The following NOS1 variants were observed in gnomAD, a reference collection of about 807,000 sequenced individuals.
The protein encoded by NOS1 is nitric oxide synthase 1, also known as NOS type I.
In NOS1, 51 loss-of-function variants were observed where a neutral mutation model predicts 164.5. The ratio of observed to expected loss-of-function variants is 0.31; its 90% CI spans 0.25 to 0.39. NOS1 has a LOEUF of 0.39. Ranked by LOEUF, NOS1 falls within the 10% of genes least tolerant of loss-of-function variation. The pLI is 1.00. For missense variants in NOS1, 1,362 were observed against 1,885.6 expected, an observed-to-expected ratio of 0.72 and a Z score of 5.14; for synonymous variants, 719 against 745.8, an observed-to-expected ratio of 0.96 and a Z score of 0.59.
chr12:117,221,314 C>G (rs996511178), intron 26 of NOS1, among the ~76,000 whole-genome samples: 1 of 150,738 alleles, frequency 6.6e-6, no homozygotes, highest in Non-Finnish European at 1.5e-5. Context: ...ATCACCACAC[C>G]TGGCTTTTTT....
At position 117,223,410 on chromosome 12, in the gene NOS1, T is replaced by C. The variant is rs540114096; in HGVS notation, c.3827-547A>G. Among the ~76,000 whole-genome samples, 14 of 151,476 alleles carry C rather than the reference T, an allele frequency of 9.2e-5. No individual in the cohort carries two copies. In the East Asian group the frequency reaches 2.5e-3, roughly 28 times the overall value. On this transcript the variant is annotated intron_variant, in intron 25 of 28. Transcript: ENST00000317775. ...CCAAGTAGCTGGGATTACAGGTGCC[T>C]GCAACCGCGCCTGGCTAATTTTTGT...
At chr12:117,237,699 G>A (rs1484629442) in intron 20 of NOS1, among the ~76,000 whole-genome samples, 2 of 151,934 alleles carry the variant, frequency 1.3e-5, no homozygotes, top group African/African-American at 4.8e-5. Flanking sequence ...CAGAAAATGT[G>A]CATTCTTCAG....
At position 117,243,734 on chromosome 12, in the gene NOS1, TTCCA is replaced by T. The variant is rs796543144; in HGVS notation, c.2824-303_2824-300del. On this transcript the variant is annotated intron_variant, in intron 18 of 28. Transcript: ENST00000317775. This position sits in a 1 kb window ranked among gnomAD's most constrained non-coding sequence, Gnocchi z 4.3. ...CACCCTCCCATCCATGTATCTATCT[TTCCA>T]TCCATCCATCCATCCACCCATCCAT... Among the ~76,000 whole-genome samples, 10 of 149,268 alleles carry T rather than the reference TTCCA, an allele frequency of 6.7e-5. No homozygotes were observed. The highest frequency in any genetic ancestry group is 2.2e-4 in the African/African-American group (9 of 40,514).
In NOS1 at chr12:117,256,145, T is replaced by C. The variant is rs1272822090; in HGVS notation, c.2531+2252A>G. On this transcript the variant is annotated intron_variant, in intron 16 of 28. Transcript: ENST00000317775. Reference sequence around the variant, plus strand: ...GTGGGAAGGAGAGAGGTAAGGAGAGTGAGGACTAAGATGCTGGAGTTGGGC... The same window carrying C: ...GTGGGAAGGAGAGAGGTAAGGAGAGCGAGGACTAAGATGCTGGAGTTGGGC... 5.7e-6 allele frequency: 3 copies of C among 523,762 alleles called. No homozygotes were observed. In the African/African-American group the frequency reaches 5.9e-5, roughly 10 times the overall value. 32.4% of individuals were successfully genotyped at this position (523,762 alleles called of 1,614,324 possible).
At chr12:117,281,611 G>A (rs550847167) in intron 7 of NOS1, among the ~76,000 whole-genome samples, 20 of 151,274 alleles carry the variant, frequency 1.3e-4, no homozygotes, top group African/African-American at 4.4e-4. Context: ...CAAGGCAGGC[G>A]GATCACGAGG....
intron 20 of NOS1, among the ~76,000 whole-genome samples, chr12:117,237,274 G>A (rs903327476): frequency 1.3e-5 from 2 of 152,022 alleles, no homozygotes; most frequent in African/African-American, 4.8e-5. Context: ...TGGGATTACA[G>A]TAGCCCGCCA....
intron 1 of NOS1, among the ~76,000 whole-genome samples, chr12:117,332,005 C>T (rs1255371988): frequency 1.3e-5 from 2 of 152,170 alleles, no homozygotes; most frequent in African/African-American, 4.8e-5. Flanking sequence ...TGTCAGTTGG[C>T]CTTCATAACC....
At chr12:117,352,482 A>G (rs1410969908) in intron 1 of NOS1, among the ~76,000 whole-genome samples, 8 of 152,190 alleles carry the variant, frequency 5.3e-5, no homozygotes, top group Non-Finnish European at 1.0e-4. Context: ...TGTTGCTGAC[A>G]GAGGGAACTG....
At position 117,274,286 on chromosome 12, in the gene NOS1, C is replaced by A. The variant is rs530548967; in HGVS notation, c.1665-1727G>T. On this transcript the variant is annotated intron_variant, in intron 9 of 28. Transcript: ENST00000317775. ...AGATAACATTTCATCACAGTTAGGA[C>A]GGCAATTATAAAGAGACAAAAAATA... 3.9e-5 allele frequency among the ~76,000 whole-genome samples: 6 copies of A among 152,104 alleles called. 1 individual carries two copies. The South Asian group carries it at 1.2e-3, about 32-fold the overall frequency.
intron 28 of NOS1, among the ~76,000 whole-genome samples, chr12:117,216,794 A>G (rs962442525): frequency 3.9e-5 from 6 of 152,276 alleles, no homozygotes; most frequent in African/African-American, 1.4e-4. Context: ...GGCTTTTGAC[A>G]ACCCAGGGAC....
In NOS1 at chr12:117,280,982, C is replaced by T. The variant is rs533858790; in HGVS notation, c.1383-116G>A. On this transcript the variant is annotated intron_variant, in intron 7 of 28. Transcript: ENST00000317775. ...CTTGAGGCTCAGGGTAGATTACCTC[C>T]GTGCCAAGGTCCCCAGGGCCAATGG... The T allele has an allele frequency of 1.2e-3, 1,454 of 1,177,338 alleles. 2 individuals are homozygous for T. Among genetic ancestry groups the T allele is most frequent in the Non-Finnish European group, 1.6e-3 (1,343 of 837,248 alleles). The allele number at this position is 1,177,338 out of a possible 1,614,324, so 72.9% of individuals were successfully genotyped here. A position where few individuals can be genotyped will look rare whatever the true frequency, so the allele number is the denominator to read the frequency against.
chr12:117,268,250 A>T (rs60027749), intron 10 of NOS1, 106 bp from the exon 11 acceptor site: 5 of 759,278 alleles, frequency 6.6e-6, no homozygotes, highest in Non-Finnish European at 8.9e-6. Flanking sequence ...CTTTTTTTTT[A>T]AATGGACTCT....
intron 7 of NOS1, among the ~76,000 whole-genome samples, chr12:117,284,153 G>A (rs1445915293): frequency 6.6e-6 from 1 of 152,192 alleles, no homozygotes; most frequent in Non-Finnish European, 1.5e-5. Context: ...ATGCAAAGAA[G>A]CCACTTTTGG....
intron 16 of NOS1, among the ~76,000 whole-genome samples, chr12:117,254,334 T>G (rs556972415): frequency 1.3e-5 from 2 of 152,316 alleles, no homozygotes; most frequent in South Asian, 2.1e-4. Context: ...CTCAAACTCC[T>G]GACCTTAGGT....
intron 3 of NOS1, among the ~76,000 whole-genome samples, chr12:117,299,746 T>G (rs1377706109): frequency 2.0e-5 from 3 of 149,118 alleles, no homozygotes; most frequent in East Asian, 2.0e-4. Context: ...AAAATGGGGG[T>G]GCTTGGGAGT....
chr12:117,298,157 T>C (rs1290294875), intron 3 of NOS1, among the ~76,000 whole-genome samples: 1 of 151,922 alleles, frequency 6.6e-6, no homozygotes, highest in Non-Finnish European at 1.5e-5. Flanking sequence ...TGAGCTTGTT[T>C]TCTGCAACTA....
chr12:117,257,484 C>T (rs534390136), intron 16 of NOS1, among the ~76,000 whole-genome samples: 3 of 152,170 alleles, frequency 2.0e-5, no homozygotes, highest in South Asian at 2.1e-4. Context: ...TTTTTGACTA[C>T]AGGTATGTTT....
rs1185731618 is a variant in NOS1 at position 117,212,818 on chromosome 12, ACT to A, written c.*2489_*2490del. 1.3e-5 allele frequency: 13 copies of A among 985,138 alleles called. No homozygotes were observed. The highest frequency in any genetic ancestry group is 1.6e-5 in the Non-Finnish European group (13 of 829,904). The allele number at this position is 985,138 out of a possible 1,614,324, so 61.0% of individuals were successfully genotyped here. ...ATCTGAGCCTAACAATCTGGACTCC[ACT>A]CTGGTCCTTGAGAGGTTACTCAACA... is the stretch of plus-strand genomic sequence containing the variant. On this transcript the variant is annotated 3_prime_UTR_variant, in exon 29 of 29. Coordinates refer to ENST00000317775, the MANE Select transcript of NOS1 (RefSeq NM_000620.5).
At chr12:117,259,289 G>T (rs1463762423) in intron 14 of NOS1, among the ~76,000 whole-genome samples, 159 bp from the exon 15 acceptor site, 1 of 152,194 alleles carries the variant, frequency 6.6e-6, no homozygotes, top group Non-Finnish European at 1.5e-5. Context: ...AGAACCAAAA[G>T]ATCTGAGGTG....
Sources: allele counts gnomAD v4.1 joint callset (sites outside exome capture counted in the v4.1 genomes callset), GRCh38; gene constraint gnomAD v4.1.1; non-coding constraint Gnocchi (gnomAD v3.1); transcripts MANE v1.5; gene names NCBI Gene and HGNC (gene_info 2026-07-23, HGNC 2026-07-21).